Variants in CACNA1H observed in about 807,000 individuals in gnomAD.
CACNA1H encodes voltage-dependent T-type calcium channel subunit alpha-1H.
Under a neutral mutation model 192.5 loss-of-function variants are expected in CACNA1H, and 149 were observed. That is an observed-to-expected ratio of 0.77 (90% CI 0.68 to 0.89). CACNA1H has a LOEUF of 0.89. CACNA1H is among the 40% of genes least tolerant of loss of function. The pLI, the probability that CACNA1H is intolerant of heterozygous loss-of-function variation, is 0.00. For synonymous variants in CACNA1H, 2,202 were observed against 1,475.2 expected (o/e 1.49, Z -11.29); for missense variants, 4,257 against 3,423.5 (o/e 1.24, Z -6.08).
Position 1,208,174 on chromosome 16 carries a change from GGCA to G in CACNA1H, c.3325_3327del (p.Ser1110del), listed in dbSNP as rs1478650723. 3 of 1,558,948 alleles carry G rather than the reference GGCA, an allele frequency of 1.9e-6. No homozygotes were observed. Among genetic ancestry groups the G allele is most frequent in the South Asian group, 1.2e-5 (1 of 84,796 alleles). On this transcript the variant is annotated inframe_deletion, in exon 16 of 35. Coordinates refer to ENST00000348261, the MANE Select transcript of CACNA1H (RefSeq NM_021098.3). ...CCCCAGCCTCCCAGACTCTCGGCGT[GGCA>G]GCAGCAGCTCCGGGGACCCGCCACT...
chr16:1,182,381 T>G (rs577876139), intron 2 of CACNA1H, among the ~76,000 whole-genome samples: 157 of 152,230 alleles, frequency 1.0e-3, no homozygotes, highest in African/African-American at 3.6e-3. Flanking sequence ...CATGCATCAG[T>G]GATTTCAATC....
chr16:1,208,696 G>A (rs533848545), intron 16 of CACNA1H, among the ~76,000 whole-genome samples: 7 of 152,308 alleles, frequency 4.6e-5, no homozygotes, highest in Non-Finnish European at 7.4e-5. Flanking sequence ...CCCTAGCAGG[G>A]GAGGAAGCGG....
intron 13 of CACNA1H, 72 bp downstream of exon 13, chr16:1,207,190 G>T: frequency 6.5e-7 from 1 of 1,550,168 alleles, no homozygotes. Flanking sequence ...GTGCCGTCCT[G>T]CGCATCCATA....
intron 25 of CACNA1H, 125 bp from the exon 26 acceptor site, chr16:1,212,386 C>T (rs576701546): frequency 2.2e-5 from 24 of 1,089,560 alleles, no homozygotes; most frequent in African/African-American, 3.2e-5. Flanking sequence ...GGTTCCCCAC[C>T]GAGTCCTCAC....
At chr16:1,210,333 G>GCCCCCCCCCCCCCCCCCC in intron 18 of CACNA1H, 37 bp from the exon 19 acceptor site, 4 of 1,320,232 alleles carry the variant, frequency 3.0e-6, no homozygotes, top group Non-Finnish European at 4.2e-6. Flanking sequence ...CATCCACGCC[G>GCCCCCCCCCCCCCCCCCC]CCCCGCCCCA....
chr16:1,165,558 G>A (rs1036385762), intron 2 of CACNA1H, among the ~76,000 whole-genome samples: 3 of 152,126 alleles, frequency 2.0e-5, no homozygotes, highest in East Asian at 1.9e-4. Context: ...CCTGGCCTCC[G>A]GTGCATCTGG....
chr16:1,186,133 TACGGG>T (rs1369269890), intron 2 of CACNA1H, among the ~76,000 whole-genome samples: 10 of 141,162 alleles, frequency 7.1e-5, no homozygotes, highest in African/African-American at 1.1e-4. Context: ...GCGGGGTGTG[TACGGG>T]GCGGGTGACT....
chr16:1,175,567 G>C (rs539369430), intron 2 of CACNA1H, among the ~76,000 whole-genome samples: 1 of 152,166 alleles, frequency 6.6e-6, no homozygotes, highest in South Asian at 2.1e-4. Context: ...GCCGTGTCCC[G>C]AGCTTGTCCT....
At position 1,220,260 on chromosome 16, in the gene CACNA1H, C is replaced by T. The variant is rs746537400; in HGVS notation, c.6328C>T (p.Pro2110Ser). ...CAGCCACATCACCAGCTCCGCCTGC[C>T]CCTGGCAGCCCACAGCCGAGCCCCA... ...EVSHITSSAC[P>S]WQPTAEPHGP... Residue 2110 changes from proline to serine, a missense_variant, in exon 35 of 35, where the codon CCC (proline) becomes TCC (serine). Transcript: ENST00000348261. 80 of 1,587,136 alleles carry T rather than the reference C, an allele frequency of 5.0e-5. No homozygotes were observed. Among genetic ancestry groups the T allele is most frequent in the Non-Finnish European group, 6.3e-5 (74 of 1,172,894 alleles).
At position 1,202,278 on chromosome 16, in the gene CACNA1H, AC is replaced by A; in HGVS notation, c.1830del (p.Met611Ter). 1 of 1,581,092 alleles carries A rather than the reference AC, an allele frequency of 6.3e-7. No individual in the cohort carries two copies. The highest frequency in any genetic ancestry group is 2.3e-5 in the East Asian group (1 of 42,754). The stretch of plus-strand genomic sequence containing the variant: ...CCTCAGACTGGCCACAGGGCTGGGC[AC>A]CATGAACTACCCCACGATCCTGCCC... ...ASLRLATGLG[T>X]MNYPTILPSG... On this transcript the variant is annotated frameshift_variant, in exon 9 of 35. Transcript: ENST00000348261. LOFTEE classifies it high-confidence loss of function.
intron 2 of CACNA1H, among the ~76,000 whole-genome samples, chr16:1,169,873 C>T (rs561976640): frequency 4.1e-4 from 63 of 152,382 alleles, no homozygotes; most frequent in African/African-American, 1.4e-3. Flanking sequence ...CGTGTGCGAC[C>T]GCCCAGCACT....
intron 2 of CACNA1H, among the ~76,000 whole-genome samples, chr16:1,188,806 C>T (rs535225221): frequency 6.6e-6 from 1 of 152,272 alleles, no homozygotes; most frequent in East Asian, 1.9e-4. Flanking sequence ...CTGGATGTGT[C>T]CCCCCACACC....
rs199547941 is a variant in CACNA1H, at chr16:1,219,971, G to T, written c.6049-10G>T. On this transcript the variant is annotated splice_polypyrimidine_tract_variant and intron_variant, in intron 34 of 34. Coordinates refer to ENST00000348261, the MANE Select transcript of CACNA1H (RefSeq NM_021098.3). The stretch of plus-strand genomic sequence containing the variant: ...GCCCCGCCCCTCACTTTGACTCTAC[G>T]CCCCCACAGGAGGCTGTGCACACCG... The T allele has an allele frequency of 1.6e-6, 2 of 1,289,450 alleles. No homozygotes were observed. Among genetic ancestry groups the T allele is most frequent in the East Asian group, 6.1e-5 (2 of 32,798 alleles). 79.9% of individuals were successfully genotyped at this position (1,289,450 alleles called of 1,614,324 possible). A position where few individuals can be genotyped will look rare whatever the true frequency, so the allele number is the denominator to read the frequency against.
chr16:1,202,290 C>A lies in CACNA1H; in HGVS notation c.1840C>A (p.Pro614Thr). Residue 614 changes from proline to threonine, a missense_variant, in exon 9 of 35, where the codon CCC (proline) becomes ACC (threonine). By Grantham distance (38) the Pro-to-Thr change is conservative. Transcript: ENST00000348261. ...CACAGGGCTGGGCACCATGAACTAC[C>A]CCACGATCCTGCCCTCAGGGGTGGG... ...LATGLGTMNY[P>T]TILPSGVGSG... The A allele has an allele frequency of 6.3e-7, 1 of 1,584,678 alleles. No individual in the cohort carries two copies. Among genetic ancestry groups the A allele is most frequent in the South Asian group, 1.2e-5 (1 of 86,540 alleles).
chr16:1,213,907 C>A lies in CACNA1H; in HGVS notation c.4905C>A (p.Ser1635=), dbSNP rs558820781. 7 of 1,611,512 alleles carry A rather than the reference C, an allele frequency of 4.3e-6. No individual in the cohort carries two copies. Among genetic ancestry groups the A allele is most frequent in the Non-Finnish European group, 5.9e-6 (7 of 1,179,320 alleles). The change falls in exon 27 of 35, where the codon TCC becomes TCA. Residue 1635 remains serine, a synonymous_variant. Coordinates refer to ENST00000348261, the MANE Select transcript of CACNA1H (RefSeq NM_021098.3). ...TCTGTGTCAACGTCATCACCATGTC[C>A]ATGGAGCACTATAACCAACCCAAGG... ...FIICVNVITM[S]MEHYNQPKSL... is the part of the protein sequence containing the mutation.
In CACNA1H at chr16:1,154,494, C is replaced by T. The variant is rs553441894; in HGVS notation, c.299+458C>T. On this transcript the variant is annotated intron_variant, in intron 2 of 34. Coordinates refer to ENST00000348261, the MANE Select transcript of CACNA1H (RefSeq NM_021098.3). Reference sequence around the variant, plus strand: ...GCTGGAGTCAGGGGCGCAAAGTTTTCAGCCGGCGCCTGGTGGTTCCGAGTG... The same window carrying T: ...GCTGGAGTCAGGGGCGCAAAGTTTTTAGCCGGCGCCTGGTGGTTCCGAGTG... 5.3e-5 allele frequency among the ~76,000 whole-genome samples: 8 copies of T among 152,256 alleles called. No individual in the cohort carries two copies. In the South Asian group the frequency reaches 1.7e-3, roughly 32 times the overall value.
chr16:1,197,649 T>C (rs113039297), intron 5 of CACNA1H, among the ~76,000 whole-genome samples: 4 of 152,234 alleles, frequency 2.6e-5, no homozygotes, highest in African/African-American at 9.6e-5. Flanking sequence ...GCCAGGGCAG[T>C]GCTCACTGAT....
chr16:1,195,367 T>C, intron 3 of CACNA1H, 65 bp from the exon 4 acceptor site: 1 of 1,434,240 alleles, frequency 7.0e-7, no homozygotes, highest in Non-Finnish European at 9.2e-7. Context: ...CTTGCGGGGC[T>C]GGGGTTGGGG....
chr16:1,198,694 C>T lies in CACNA1H; in HGVS notation c.723C>T (p.Phe241=), dbSNP rs770535441. 1 of 1,613,526 alleles carries T rather than the reference C, an allele frequency of 6.2e-7. No individual in the cohort carries two copies. Among genetic ancestry groups the T allele is most frequent in the South Asian group, 1.1e-5 (1 of 91,088 alleles). Residue 241 remains phenylalanine (F), a synonymous_variant, in exon 6 of 35, where the codon TTC becomes TTT. Transcript: ENST00000348261. The stretch of plus-strand genomic sequence containing the variant: ...TCCTTCTGCTGTGCTTCTTCGTCTT[C>T]TTCATTTTCGGCATCGTTGGCGTCC... The part of the protein sequence containing the change: ...GNVLLLCFFV[F]FIFGIVGVQL...
Sources: allele counts gnomAD v4.1 joint callset (sites outside exome capture counted in the v4.1 genomes callset), GRCh38; gene constraint gnomAD v4.1.1; transcripts MANE v1.5; gene names NCBI Gene and HGNC (gene_info 2026-07-23, HGNC 2026-07-21).